IHO1: variants seen among roughly 807,000 people sequenced by gnomAD.
IHO1 encodes interactor of HORMAD1 1.
Under a neutral mutation model 31.0 loss-of-function variants are expected in IHO1, and 13 were observed. That is an observed-to-expected ratio of 0.42 (90% CI 0.27 to 0.67). The LOEUF (loss-of-function observed/expected upper bound fraction) is 0.67, where lower values mean the gene tolerates loss of function less well. Among genes scored for constraint, IHO1 ranks in the 30% least tolerant of loss-of-function variants. The pLI, the probability that IHO1 is intolerant of heterozygous loss-of-function variation, is 0.24. For synonymous variants in IHO1, 221 were observed against 248.4 expected (o/e 0.89, Z 1.04); for missense variants, 599 against 687.5 (o/e 0.87, Z 1.44).
chr3:49,241,174 T>C, intron 3 of IHO1, 52 bp from the exon 4 acceptor site: 2 of 1,440,658 alleles, frequency 1.4e-6, no homozygotes, highest in Non-Finnish European at 9.4e-7. Flanking sequence ...AAATAGTGAA[T>C]GCTATAAATA....
intron 2 of IHO1, among the ~76,000 whole-genome samples, chr3:49,224,816 A>G (rs1237411520): frequency 6.6e-6 from 1 of 152,234 alleles, no homozygotes; most frequent in African/African-American, 2.4e-5. Context: ...TTGGTTCCCC[A>G]TCCTCTGGGA....
intron 2 of IHO1, among the ~76,000 whole-genome samples, chr3:49,219,730 G>C (rs1295785381): frequency 6.6e-6 from 1 of 152,146 alleles, no homozygotes; most frequent in Non-Finnish European, 1.5e-5. Context: ...CTAAGCTGGA[G>C]GACACCTGAG....
intron 2 of IHO1, among the ~76,000 whole-genome samples, chr3:49,229,177 A>G (rs2046453357): frequency 6.6e-6 from 1 of 152,186 alleles, no homozygotes; most frequent in Admixed American, 6.5e-5. Context: ...TGATTGGTGC[A>G]TTTACAATCC....
At chr3:49,225,192 G>A (rs1301663028) in intron 2 of IHO1, among the ~76,000 whole-genome samples, 4 of 152,208 alleles carry the variant, frequency 2.6e-5, no homozygotes, top group Admixed American at 6.5e-5. Context: ...TTGGCTGGGC[G>A]CAGTGGCTCA....
At chr3:49,224,522 C>T (rs887689516) in intron 2 of IHO1, among the ~76,000 whole-genome samples, 7 of 152,240 alleles carry the variant, frequency 4.6e-5, no homozygotes, top group Admixed American at 1.3e-4. Context: ...GATAACCATA[C>T]TTGCTATCTG....
At chr3:49,219,311 C>CT (rs1362011677) in intron 2 of IHO1, among the ~76,000 whole-genome samples, 2 of 152,350 alleles carry the variant, frequency 1.3e-5, no homozygotes, top group Admixed American at 6.5e-5. Flanking sequence ...CAGAAAACTG[C>CT]TTAAAGGCAA....
the IHO1 span, among the ~76,000 whole-genome samples, chr3:49,192,135 A>G: frequency 6.6e-6 from 1 of 152,256 alleles, no homozygotes; most frequent in African/African-American, 2.4e-5. Flanking sequence ...CCATACTGCC[A>G]GGAATATAAA....
chr3:49,198,520 C>T (rs531034829), upstream of IHO1: 2 of 152,308 alleles, frequency 1.3e-5, no homozygotes, highest in East Asian at 3.9e-4. Flanking sequence ...TGATTGCATC[C>T]TGTTTTTGTT....
Position 49,236,671 on chromosome 3 carries a change from C to A in IHO1, c.180C>A (p.Asp60Glu), listed in dbSNP as rs1406425500. 1 of 1,614,000 alleles carries A rather than the reference C, an allele frequency of 6.2e-7. No homozygotes were observed. The highest frequency in any genetic ancestry group is 1.3e-5 in the African/African-American group (1 of 74,934). ...ENSETLSAPL[D>E]FGAHLRHSKQ... ...CAGAAACCCTATCAGCACCCTTGGA[C>A]TTTGGTGCCCACTTGAGACATTCAA... The change falls in exon 3 of 8, where the codon GAC (aspartate) becomes GAA (glutamate). Residue 60 changes from aspartate (D) to glutamate (E), a missense_variant. Coordinates refer to ENST00000452691, the MANE Select transcript of IHO1 (RefSeq NM_001135197.2).
At chr3:49,214,632 A>ATTTTTTT (rs3083884) in intron 2 of IHO1, among the ~76,000 whole-genome samples, 7 of 5,188 alleles carry the variant, frequency 1.3e-3, no homozygotes, top group African/African-American at 3.3e-3. Flanking sequence ...ATATATATAT[A>ATTTTTTT]TTTTTTTTTT....
intron 3 of IHO1, among the ~76,000 whole-genome samples, chr3:49,238,029 C>G (rs549442718): frequency 2.4e-4 from 36 of 151,048 alleles, no homozygotes; most frequent in African/African-American, 7.8e-4. Context: ...CTCAGCCTCC[C>G]TAGTAGCTGG....
chr3:49,239,663 ATTT>A (rs1185572264), intron 3 of IHO1, among the ~76,000 whole-genome samples: 1 of 131,530 alleles, frequency 7.6e-6, no homozygotes, highest in Non-Finnish European at 1.6e-5. Flanking sequence ...GGCTCAAGGG[ATTT>A]TTTTTTTTTT....
At chr3:49,191,923 A>G in the IHO1 span, 1 of 740,564 alleles carries the variant, frequency 1.4e-6, no homozygotes, top group Non-Finnish European at 2.3e-6. Context: ...TTGAGACAGT[A>G]CATGACCTGT....
Position 49,255,501 on chromosome 3 carries a change from T to C in IHO1, c.636+8T>C. 2 of 1,569,654 alleles carry C rather than the reference T, an allele frequency of 1.3e-6. No homozygotes were observed. Among genetic ancestry groups the C allele is most frequent in the Non-Finnish European group, 1.7e-6 (2 of 1,156,642 alleles). On this transcript the variant is annotated splice_region_variant and intron_variant, in intron 7 of 7. Coordinates refer to ENST00000452691, the MANE Select transcript of IHO1 (RefSeq NM_001135197.2). Reference sequence around the variant, plus strand: ...AAGAAAAGATTTGAAGCTGTAAGTGTAAACCCCAACCTCTTTCTAAGTGTG... The same window carrying C: ...AAGAAAAGATTTGAAGCTGTAAGTGCAAACCCCAACCTCTTTCTAAGTGTG...
chr3:49,257,066 T>A lies in IHO1; in HGVS notation c.1569T>A (p.Asn523Lys), dbSNP rs1257168951. The A allele has an allele frequency of 1.2e-6, 2 of 1,614,026 alleles. No homozygotes were observed. The highest frequency in any genetic ancestry group is 1.7e-6 in the Non-Finnish European group (2 of 1,180,042). The change falls in exon 8 of 8, where the codon AAT becomes AAA. Residue 523 changes from asparagine (N) to lysine (K), a missense_variant. By Grantham distance (94) the Asn-to-Lys change is moderately conservative. Coordinates refer to ENST00000452691, the MANE Select transcript of IHO1 (RefSeq NM_001135197.2). ...CPILGGTVMP[N>K]KTVRAVQGRL... is the part of the protein sequence containing the mutation. ...TTCTGGGAGGAACAGTCATGCCCAATAAGACAGTAAGGGCAGTGCAGGGAA... is the reference window on the plus strand; with the variant it reads ...TTCTGGGAGGAACAGTCATGCCCAAAAAGACAGTAAGGGCAGTGCAGGGAA...
chr3:49,223,389 T>C (rs188465443), intron 2 of IHO1, among the ~76,000 whole-genome samples: 1 of 152,172 alleles, frequency 6.6e-6, no homozygotes, highest in Admixed American at 6.5e-5. Context: ...TGAGTTATCA[T>C]GGCTTTAAAA....
intron 6 of IHO1, among the ~76,000 whole-genome samples, chr3:49,254,783 G>A (rs1266393435): frequency 6.6e-6 from 1 of 152,180 alleles, no homozygotes; most frequent in East Asian, 1.9e-4. Context: ...GTTTCAACGG[G>A]CTGGGCATGG....
chr3:49,228,393 C>G, intron 2 of IHO1: 1 of 435,072 alleles, frequency 2.3e-6, no homozygotes, highest in Non-Finnish European at 4.6e-6. Context: ...GTCTTTAGTC[C>G]AGCGGCCACG....
At chr3:49,235,136 C>G (rs552767086) in intron 2 of IHO1, among the ~76,000 whole-genome samples, 3 of 152,076 alleles carry the variant, frequency 2.0e-5, no homozygotes, top group Non-Finnish European at 1.5e-5. Flanking sequence ...GCGTGAGCCA[C>G]CGTGCCTGGC....
Sources: gnomAD v4.1 joint callset for allele counts (sites outside exome capture counted in the v4.1 genomes callset) on GRCh38, gnomAD v4.1.1 for gene constraint, MANE v1.5 for transcripts, NCBI Gene and HGNC (gene_info 2026-07-23, HGNC 2026-07-21) for gene names.